Variants in CRACR2A observed in about 807,000 individuals in gnomAD.
CRACR2A encodes EF-hand calcium-binding domain-containing protein 4B.
In CRACR2A, 79 loss-of-function variants were observed where a neutral mutation model predicts 90.5. That is an observed-to-expected ratio of 0.87 (90% CI 0.73 to 1.05). The LOEUF is 1.05. Ranked by LOEUF, CRACR2A falls within the 50% of genes least tolerant of loss-of-function variation. CRACR2A has a pLI of 0.00. For synonymous variants in CRACR2A, 338 were observed against 356.7 expected, an observed-to-expected ratio of 0.95 and a Z score of 0.59; for missense variants, 823 against 897.2, an observed-to-expected ratio of 0.92 and a Z score of 1.06.
At chr12:3,624,747 C>T (rs1473462709) in intron 17 of CRACR2A, among the ~76,000 whole-genome samples, 6 of 152,224 alleles carry the variant, frequency 3.9e-5, no homozygotes, top group Admixed American at 2.6e-4. Flanking sequence ...CCTGGACCAC[C>T]AGCATCAGCC....
intron 5 of CRACR2A, among the ~76,000 whole-genome samples, chr12:3,679,834 A>T (rs764390665): frequency 3.3e-5 from 5 of 152,176 alleles, no homozygotes; most frequent in Non-Finnish European, 7.3e-5. Flanking sequence ...AACCTGGAAA[A>T]TTCAGCCAGA....
In CRACR2A at chr12:3,680,449, G is replaced by A. The variant is rs74055976; in HGVS notation, c.229-100C>T. ...TTCTGCCAGAAAGTGTCTAGAGTTCGGCCCAGTCCTACAAAAGCCAGTAGA... is the reference window on the plus strand; with the variant it reads ...TTCTGCCAGAAAGTGTCTAGAGTTCAGCCCAGTCCTACAAAAGCCAGTAGA... On this transcript the variant is annotated intron_variant, in intron 4 of 19. Coordinates refer to ENST00000440314, the MANE Select transcript of CRACR2A (RefSeq NM_001144958.2). The A allele has an allele frequency of 2.5e-3, 2,383 of 940,398 alleles. 39 individuals carry two copies. The African/African-American group carries it at 0.034, about 13-fold the overall frequency. The allele number at this position is 940,398 out of a possible 1,614,324, so 58.3% of individuals were successfully genotyped here. A position where few individuals can be genotyped will look rare whatever the true frequency, so the allele number is the denominator to read the frequency against.
intron 7 of CRACR2A, among the ~76,000 whole-genome samples, chr12:3,664,648 C>G (rs920683547): frequency 6.6e-6 from 1 of 152,192 alleles, no homozygotes; most frequent in African/African-American, 2.4e-5. Flanking sequence ...GCAGAGATCT[C>G]TGAGATGTTA....
chr12:3,733,943 C>G (rs1399330033), intron 1 of CRACR2A, among the ~76,000 whole-genome samples: 2 of 149,502 alleles, frequency 1.3e-5, no homozygotes, highest in Non-Finnish European at 3.0e-5. Context: ...GGTATTCAGT[C>G]CTTTTCCTAG....
At chr12:3,666,446 G>A (rs1382746244) in intron 7 of CRACR2A, among the ~76,000 whole-genome samples, 1 of 152,062 alleles carries the variant, frequency 6.6e-6, no homozygotes, top group African/African-American at 2.4e-5. Context: ...GGAGGCAGAT[G>A]GGATATGAAA....
At chr12:3,676,773 T>A (rs1945343463) in intron 6 of CRACR2A, among the ~76,000 whole-genome samples, 1 of 152,032 alleles carries the variant, frequency 6.6e-6, no homozygotes, top group African/African-American at 2.4e-5. Flanking sequence ...CCAAATGGAC[T>A]GAGACACGCC....
chr12:3,672,010 T>C (rs1270395857), intron 7 of CRACR2A, among the ~76,000 whole-genome samples: 1 of 152,170 alleles, frequency 6.6e-6, no homozygotes, highest in Non-Finnish European at 1.5e-5. Flanking sequence ...TACATAAAAA[T>C]ATACCCTTTA....
chr12:3,688,781 A>G (rs1357884600), intron 4 of CRACR2A, among the ~76,000 whole-genome samples: 1 of 152,188 alleles, frequency 6.6e-6, no homozygotes, highest in African/African-American at 2.4e-5. Flanking sequence ...TTTAGGCAGT[A>G]TGGCCATTTT....
intron 2 of CRACR2A, among the ~76,000 whole-genome samples, chr12:3,719,348 C>G (rs1187667669): frequency 6.6e-6 from 1 of 152,232 alleles, no homozygotes; most frequent in Non-Finnish European, 1.5e-5. Flanking sequence ...TCGGGCTCCT[C>G]TTGTCCTCCT....
chr12:3,687,379 T>A (rs1387790303), intron 4 of CRACR2A, among the ~76,000 whole-genome samples: 1 of 152,102 alleles, frequency 6.6e-6, no homozygotes, highest in Non-Finnish European at 1.5e-5. Flanking sequence ...CAGTGTGTGT[T>A]GTCCCCCTCC....
intron 1 of CRACR2A, among the ~76,000 whole-genome samples, chr12:3,736,935 A>C (rs1021259976): frequency 5.3e-5 from 8 of 152,206 alleles, no homozygotes; most frequent in Non-Finnish European, 1.0e-4. Flanking sequence ...TCACAGATGC[A>C]TTCTCCAATA....
chr12:3,646,444 T>C (rs1209919494), intron 11 of CRACR2A, among the ~76,000 whole-genome samples: 2 of 152,224 alleles, frequency 1.3e-5, no homozygotes, highest in Admixed American at 6.5e-5. Context: ...CCGCTAAGTG[T>C]GTTGTAAACT....
chr12:3,644,348 C>T (rs1031042419), intron 12 of CRACR2A, among the ~76,000 whole-genome samples: 2 of 152,028 alleles, frequency 1.3e-5, no homozygotes, highest in Non-Finnish European at 2.9e-5. Context: ...AAGAAATGTG[C>T]GACCCTCCCA....
intron 7 of CRACR2A, among the ~76,000 whole-genome samples, chr12:3,663,823 G>A (rs1046377019): frequency 1.3e-5 from 2 of 152,124 alleles, no homozygotes; most frequent in Admixed American, 6.5e-5. Flanking sequence ...GAACCCATTC[G>A]TCAACTAAAA....
chr12:3,616,328 A>G (rs2137259597), intron 19 of CRACR2A, among the ~76,000 whole-genome samples: 1 of 152,380 alleles, frequency 6.6e-6, no homozygotes, highest in South Asian at 2.1e-4. Context: ...GATGGAATGA[A>G]ATGAAGGCCT....
At chr12:3,719,509 G>C (rs936692858) in intron 2 of CRACR2A, among the ~76,000 whole-genome samples, 1 of 152,138 alleles carries the variant, frequency 6.6e-6, no homozygotes, top group Admixed American at 6.5e-5. Context: ...TCTGACTGAG[G>C]TTTCTTTGCA....
chr12:3,617,213 C>A (rs1040425354), intron 18 of CRACR2A, among the ~76,000 whole-genome samples, 183 bp from the exon 19 acceptor site: 1 of 152,180 alleles, frequency 6.6e-6, no homozygotes, highest in Admixed American at 6.5e-5. Flanking sequence ...GCCTCCCTGA[C>A]AATGCAAGCT....
intron 3 of CRACR2A, among the ~76,000 whole-genome samples, chr12:3,697,497 A>G (rs1945762232): frequency 6.6e-6 from 1 of 152,220 alleles, no homozygotes; most frequent in Non-Finnish European, 1.5e-5. Context: ...ACTGAGGCTC[A>G]GAGAGGTTGC....
At chr12:3,671,554 C>G (rs905875193) in intron 7 of CRACR2A, among the ~76,000 whole-genome samples, 2 of 152,118 alleles carry the variant, frequency 1.3e-5, no homozygotes, top group Non-Finnish European at 2.9e-5. Flanking sequence ...TTCGGTGGGG[C>G]TGGGGGCAAG....
Sources: gnomAD v4.1 joint callset for allele counts (sites outside exome capture counted in the v4.1 genomes callset) on GRCh38, gnomAD v4.1.1 for gene constraint, MANE v1.5 for transcripts, NCBI Gene and HGNC (gene_info 2026-07-23, HGNC 2026-07-21) for gene names.